The following NAALADL2 variants were observed in gnomAD, a reference collection of about 807,000 sequenced individuals.
NAALADL2 encodes inactive N-acetylated-alpha-linked acidic dipeptidase-like protein 2.
Under a neutral mutation model 87.2 loss-of-function variants are expected in NAALADL2, and 76 were observed. The ratio of observed to expected loss-of-function variants is 0.87; its 90% CI spans 0.72 to 1.05. The LOEUF is 1.05. NAALADL2 is among the 50% of genes least tolerant of loss of function. NAALADL2 has a pLI of 0.00. For missense variants in NAALADL2, 1,089 were observed against 945.8 expected (o/e 1.15, Z -1.99); for synonymous variants, 354 against 331.0 (o/e 1.07, Z -0.75).
At chr3:174,479,769 A>C (rs1197935306) in intron 1 of NAALADL2, among the ~76,000 whole-genome samples, 1 of 151,700 alleles carries the variant, frequency 6.6e-6, no homozygotes, top group East Asian at 1.9e-4. Context: ...CCTTTGTGTT[A>C]TTTATTGTGG....
chr3:174,538,817 CT>C (rs1439337202), intron 1 of NAALADL2, among the ~76,000 whole-genome samples: 5 of 152,134 alleles, frequency 3.3e-5, no homozygotes, highest in Admixed American at 2.0e-4. Context: ...TTGAATCCAT[CT>C]TTGACATGGA....
At chr3:175,448,731 C>G (rs1001674884) in intron 6 of NAALADL2, among the ~76,000 whole-genome samples, 3 of 152,102 alleles carry the variant, frequency 2.0e-5, no homozygotes, top group Non-Finnish European at 4.4e-5. Flanking sequence ...TTTTTTGAGA[C>G]AAAGTCTTGC....
chr3:175,093,918 C>T (rs895191934), intron 1 of NAALADL2, among the ~76,000 whole-genome samples: 3 of 151,842 alleles, frequency 2.0e-5, no homozygotes, highest in African/African-American at 7.2e-5. Context: ...CGTTAAATTG[C>T]TGATGTACAT....
chr3:175,292,593 T>TACACACACACACACACACAC (rs71164627), intron 4 of NAALADL2, among the ~76,000 whole-genome samples: 100 of 145,364 alleles, frequency 6.9e-4, no homozygotes, highest in Non-Finnish European at 1.3e-3. Context: ...TGAGTTGGGA[T>TACACACACACACACACACAC]ACACACACAC....
intron 1 of NAALADL2, among the ~76,000 whole-genome samples, chr3:175,071,509 A>G (rs920083329): frequency 8.5e-5 from 13 of 152,064 alleles, no homozygotes; most frequent in African/African-American, 2.9e-4. Context: ...TTACCCTTAC[A>G]TACCTCTGGG....
At chr3:174,961,919 TGG>T (rs1169900994) in intron 1 of NAALADL2, among the ~76,000 whole-genome samples, 1 of 152,048 alleles carries the variant, frequency 6.6e-6, no homozygotes, top group Non-Finnish European at 1.5e-5. Context: ...CCAGTAATCC[TGG>T]GACCTTTGTC....
At chr3:175,032,570 A>G (rs1042476410) in intron 1 of NAALADL2, among the ~76,000 whole-genome samples, 11 of 152,186 alleles carry the variant, frequency 7.2e-5, no homozygotes, top group African/African-American at 2.6e-4. Flanking sequence ...TTTTTCAGCC[A>G]TCCAACAGCC....
chr3:174,776,858 A>G lies in NAALADL2; in HGVS notation c.-9+39112A>G, dbSNP rs182213377. On this transcript the variant is annotated intron_variant, in intron 3 of 3. Coordinates refer to the NAALADL2 transcript ENST00000434257. ...GCTGCATTGTTTGCACATAATACAC[A>G]TATTTAAAGGCATAATTCAGTTCCG... Among the ~76,000 whole-genome samples the G allele has an allele frequency of 1.2e-4, 18 of 152,284 alleles. No homozygotes were observed. The East Asian group carries it at 2.9e-3, about 24-fold the overall frequency.
chr3:174,756,328 G>T (rs1019071764), intron 3 of NAALADL2, among the ~76,000 whole-genome samples: 1 of 152,154 alleles, frequency 6.6e-6, no homozygotes, highest in Admixed American at 6.6e-5. Flanking sequence ...GCTCTCAAAT[G>T]TGCTTTTTCT....
At chr3:174,983,089 C>T (rs369140824) in intron 1 of NAALADL2, among the ~76,000 whole-genome samples, 6 of 152,300 alleles carry the variant, frequency 3.9e-5, no homozygotes, top group Non-Finnish European at 5.9e-5. Flanking sequence ...TGAGCCACCG[C>T]GCCCAGCCAA....
At chr3:175,056,307 T>G (rs569535271) in intron 1 of NAALADL2, among the ~76,000 whole-genome samples, 26 of 152,152 alleles carry the variant, frequency 1.7e-4, no homozygotes, top group Non-Finnish European at 3.8e-4. Flanking sequence ...ATCATTAGTG[T>G]GAAAAGTTTC....
chr3:174,707,451 G>C (rs1269225155), intron 2 of NAALADL2, among the ~76,000 whole-genome samples: 1 of 152,064 alleles, frequency 6.6e-6, no homozygotes, highest in African/African-American at 2.4e-5. Flanking sequence ...ATACACCATG[G>C]AATACTATGC....
At chr3:174,561,825 T>G (rs1236106488) in intron 2 of NAALADL2, among the ~76,000 whole-genome samples, 2 of 152,202 alleles carry the variant, frequency 1.3e-5, no homozygotes, top group Admixed American at 1.3e-4. Flanking sequence ...TCACATTATT[T>G]TAAAAAATGC....
intron 10 of NAALADL2, among the ~76,000 whole-genome samples, chr3:175,600,705 T>G (rs1306028817): frequency 2.0e-5 from 3 of 151,394 alleles, no homozygotes; most frequent in Non-Finnish European, 4.4e-5. Flanking sequence ...GCCCGGCTAA[T>G]TTTTTGTATT....
At chr3:175,111,113 A>G (rs1329781227) in intron 2 of NAALADL2, among the ~76,000 whole-genome samples, 1 of 151,704 alleles carries the variant, frequency 6.6e-6, no homozygotes, top group East Asian at 1.9e-4. Context: ...CAGCTATTCA[A>G]ATCTGAGAGG....
At chr3:175,557,519 A>G (rs898366315) in intron 9 of NAALADL2, among the ~76,000 whole-genome samples, 1 of 151,596 alleles carries the variant, frequency 6.6e-6, no homozygotes, top group Admixed American at 6.6e-5. Flanking sequence ...TTTTTTTTGT[A>G]CCCATTTACC....
chr3:174,763,586 C>CCAAAAAAAAA (rs1437091997), intron 3 of NAALADL2, among the ~76,000 whole-genome samples: 1 of 48,374 alleles, frequency 2.1e-5, no homozygotes, highest in African/African-American at 9.9e-5. Flanking sequence ...GACTCCATCT[C>CCAAAAAAAAA]AAAAAAAAAA....
At chr3:174,571,053 G>T (rs968648177) in intron 2 of NAALADL2, among the ~76,000 whole-genome samples, 1 of 152,108 alleles carries the variant, frequency 6.6e-6, no homozygotes, top group African/African-American at 2.4e-5. Context: ...TAGGTCTTGG[G>T]TTGGACCTGA....
intron 5 of NAALADL2, among the ~76,000 whole-genome samples, chr3:175,325,191 T>C (rs1760553733): frequency 6.6e-6 from 1 of 152,178 alleles, no homozygotes; most frequent in African/African-American, 2.4e-5. Flanking sequence ...AATTTACTGG[T>C]TATCTTACTC....
Sources: gnomAD v4.1 joint callset for allele counts (sites outside exome capture counted in the v4.1 genomes callset) on GRCh38, gnomAD v4.1.1 for gene constraint, MANE v1.5 for transcripts, NCBI Gene and HGNC (gene_info 2026-07-23, HGNC 2026-07-21) for gene names.